The following DGCR8 variants were observed in gnomAD, a reference collection of about 807,000 sequenced individuals.
DGCR8 encodes the protein microprocessor complex subunit DGCR8.
A neutral mutation model predicts 78.5 loss-of-function variants in DGCR8; 14 were observed. The observed-to-expected ratio is 0.18, with a 90% CI of 0.12 to 0.28. The LOEUF (loss-of-function observed/expected upper bound fraction) is 0.28. Ranked by LOEUF, DGCR8 falls within the 10% of genes least tolerant of loss-of-function variation. The pLI is 1.00. For synonymous variants in DGCR8, 399 were observed against 402.4 expected (o/e 0.99, Z 0.10); for missense variants, 702 against 1,022.5 (o/e 0.69, Z 4.28).
At chr22:20,109,429 C>T (rs890994625) in intron 13 of DGCR8, among the ~76,000 whole-genome samples, 19 of 151,992 alleles carry the variant, frequency 1.3e-4, no homozygotes, top group Non-Finnish European at 7.4e-5. Flanking sequence ...CTTCAGGCAT[C>T]GTCTGCCTGG....
chr22:20,088,779 A>T (rs1480519259), intron 3 of DGCR8, among the ~76,000 whole-genome samples: 1 of 151,848 alleles, frequency 6.6e-6, no homozygotes, highest in Non-Finnish European at 1.5e-5. Flanking sequence ...ATATTTTTTA[A>T]GGTTTCATTT....
At chr22:20,107,476 G>A (rs1263726580) in intron 12 of DGCR8, 78 bp downstream of exon 12, 2 of 1,568,502 alleles carry the variant, frequency 1.3e-6, no homozygotes, top group Admixed American at 1.7e-5. Context: ...GTGCTCAGAG[G>A]GGGCAGAGCT....
In DGCR8 at chr22:20,110,462, C is replaced by T. The variant is rs375581461; in HGVS notation, c.*354C>T. ...AATTTTAGTATGTAATACGCACTGA[C>T]GACACATGATGCTTGGATGACAGAT... On this transcript the variant is annotated 3_prime_UTR_variant, in exon 14 of 14. Transcript: ENST00000351989. 1.4e-4 allele frequency: 30 copies of T among 206,956 alleles called. No individual in the cohort carries two copies. Among genetic ancestry groups the T allele is most frequent in the African/African-American group, 1.4e-4 (6 of 43,178 alleles). The allele number at this position is 206,956 out of a possible 1,614,324, so 12.8% of individuals were successfully genotyped here. A position where few individuals can be genotyped will look rare whatever the true frequency, so the allele number is the denominator to read the frequency against.
chr22:20,104,418 C>T (rs552495222), intron 9 of DGCR8, among the ~76,000 whole-genome samples: 13 of 152,276 alleles, frequency 8.5e-5, no homozygotes, highest in South Asian at 2.1e-4. Flanking sequence ...CCACCCGCCT[C>T]GGCCTCCCAA....
intron 13 of DGCR8, 105 bp from the exon 14 acceptor site, chr22:20,109,920 A>C: frequency 1.8e-6 from 2 of 1,133,676 alleles, no homozygotes; most frequent in Non-Finnish European, 2.6e-6. Flanking sequence ...TTGGGGCTCC[A>C]GGGCCTCCTG....
At chr22:20,106,734 G>A (rs1327029309) in intron 11 of DGCR8, 36 bp downstream of exon 11, 2 of 1,502,350 alleles carry the variant, frequency 1.3e-6, no homozygotes, top group South Asian at 2.3e-5. Flanking sequence ...GTGGCCGCTG[G>A]GCGGGCGGCC....
chr22:20,097,836 T>C (rs2049647142), intron 9 of DGCR8, among the ~76,000 whole-genome samples: 1 of 147,606 alleles, frequency 6.8e-6, no homozygotes, highest in Non-Finnish European at 1.5e-5. Context: ...TTTTTTTAAT[T>C]ATATATATAG....
intron 9 of DGCR8, chr22:20,101,684 CAG>C: frequency 1.0e-6 from 1 of 985,356 alleles, no homozygotes; most frequent in Non-Finnish European, 1.2e-6. Flanking sequence ...GGTGTTTAGA[CAG>C]GGGTGGCCAT....
chr22:20,101,419 A>G (rs573992462), intron 9 of DGCR8: 2 of 693,026 alleles, frequency 2.9e-6, no homozygotes, highest in Non-Finnish European at 3.6e-6. Context: ...TACTAAAAAC[A>G]TACAAAAAAT....
At chr22:20,107,130 T>C (rs2049780311) in intron 11 of DGCR8, 141 bp from the exon 12 acceptor site, 1 of 872,626 alleles carries the variant, frequency 1.1e-6, no homozygotes, top group Non-Finnish European at 1.9e-6. Flanking sequence ...CCCAGAGCAG[T>C]GGCAGAGTGC....
rs375399198 is a variant in DGCR8 at position 20,087,951 on chromosome 22, C to T, written c.880+630C>T. The stretch of plus-strand genomic sequence containing the variant: ...GATGTGGTGCAGGTGTTGGGGGAGT[C>T]GGAGTTGGTGGCTTGGAGGCACCTA... On this transcript the variant is annotated intron_variant, in intron 3 of 13. Coordinates refer to ENST00000351989, the MANE Select transcript of DGCR8 (RefSeq NM_022720.7). The surrounding 1 kb of genome is among the most constrained non-coding windows in gnomAD (Gnocchi z 4.1). Among the ~76,000 whole-genome samples, 5 of 151,886 alleles carry T rather than the reference C, an allele frequency of 3.3e-5. No individual in the cohort carries two copies. The highest frequency in any genetic ancestry group is 4.8e-5 in the African/African-American group (2 of 41,352).
At chr22:20,083,579 G>A (rs1457084883) in intron 1 of DGCR8, among the ~76,000 whole-genome samples, 1 of 152,064 alleles carries the variant, frequency 6.6e-6, no homozygotes, top group African/African-American at 2.4e-5. Flanking sequence ...TACTCTAGCT[G>A]CTTCTTCGCC....
intron 9 of DGCR8, among the ~76,000 whole-genome samples, chr22:20,103,489 TC>T (rs2049730187): frequency 6.6e-6 from 1 of 152,250 alleles, no homozygotes; most frequent in African/African-American, 2.4e-5. Context: ...CCAGTTTTCT[TC>T]TCTAATTTGT....
At position 20,086,599 on chromosome 22, in the gene DGCR8, TGAA is replaced by T. The variant is rs754347281; in HGVS notation, c.641_643del (p.Glu214del). The T allele has an allele frequency of 6.8e-6, 11 of 1,613,434 alleles. No homozygotes were observed. Among genetic ancestry groups the T allele is most frequent in the Non-Finnish European group, 9.3e-6 (11 of 1,179,962 alleles). Reference sequence around the variant, plus strand: ...ATTTTACTGACAATTTGGAGCTAGATGAAGAAGGAGCAGGCGGGTTCACGGCTA... The same window carrying T: ...ATTTTACTGACAATTTGGAGCTAGATGAAGGAGCAGGCGGGTTCACGGCTA... On this transcript the variant is annotated inframe_deletion, in exon 2 of 14. Coordinates refer to ENST00000351989, the MANE Select transcript of DGCR8 (RefSeq NM_022720.7). The surrounding 1 kb of genome is among the most constrained non-coding windows in gnomAD (Gnocchi z 6.4).
intron 9 of DGCR8, chr22:20,096,510 TTA>T (rs2049630274): frequency 2.4e-5 from 24 of 982,720 alleles, no homozygotes; most frequent in Non-Finnish European, 2.8e-5. Flanking sequence ...GCATTCTTAT[TTA>T]TATAATAGCT....
Position 20,096,469 on chromosome 22 carries a change from T to C in DGCR8, c.1788+1674T>C, listed in dbSNP as rs544193068. The C allele has an allele frequency of 3.9e-5, 38 of 985,468 alleles. No individual in the cohort carries two copies. In the South Asian group the frequency reaches 1.7e-3, roughly 45 times the overall value. 61.0% of individuals were successfully genotyped at this position (985,468 alleles called of 1,614,324 possible). A position where few individuals can be genotyped will look rare whatever the true frequency, so the allele number is the denominator to read the frequency against. ...AAACCTTTTTGGGTAAATGGTTATT[T>C]GTAGCAAGGGCTTGTGGAATTTTGA... On this transcript the variant is annotated intron_variant, in intron 9 of 13. Transcript: ENST00000351989.
At chr22:20,100,300 C>G in intron 9 of DGCR8, 1 of 939,068 alleles carries the variant, frequency 1.1e-6, no homozygotes, top group African/African-American at 1.8e-5. Flanking sequence ...CTCTTGACCT[C>G]GTGATCCGTC....
At chr22:20,081,935 A>G (rs1407562568) in intron 1 of DGCR8, among the ~76,000 whole-genome samples, 1 of 152,000 alleles carries the variant, frequency 6.6e-6, no homozygotes, top group Admixed American at 6.6e-5. Context: ...CTTCAAGTTA[A>G]CATCCTGGCC....
intron 1 of DGCR8, 61 bp downstream of exon 1, chr22:20,080,444 G>A (rs1034642651): frequency 2.0e-6 from 2 of 979,658 alleles, no homozygotes; most frequent in Non-Finnish European, 2.4e-6. Context: ...GCCTGCGCGA[G>A]GGCGCGCCCT....
Sources: gnomAD v4.1 joint callset for allele counts (sites outside exome capture counted in the v4.1 genomes callset) on GRCh38, gnomAD v4.1.1 for gene constraint, Gnocchi (gnomAD v3.1) non-coding constraint, MANE v1.5 for transcripts, NCBI Gene and HGNC (gene_info 2026-07-23, HGNC 2026-07-21) for gene names.